Variants in IFT74 observed in about 807,000 individuals in gnomAD.
IFT74 encodes intraflagellar transport protein 74 homolog.
IFT74 carries 92 observed loss-of-function variants against 96.7 expected under a neutral mutation model. The ratio of observed to expected loss-of-function variants is 0.95; its 90% CI spans 0.80 to 1.13. IFT74 has a LOEUF of 1.13. IFT74 is among the 50% of genes most tolerant of loss of function. The pLI is 0.00. For missense variants in IFT74, 811 were observed against 698.2 expected (o/e 1.16, Z -1.82); for synonymous variants, 223 against 213.2 (o/e 1.05, Z -0.40).
intron 13 of IFT74, among the ~76,000 whole-genome samples, chr9:27,038,022 C>T (rs1000935093): frequency 6.6e-6 from 1 of 152,228 alleles, no homozygotes; most frequent in Non-Finnish European, 1.5e-5. Flanking sequence ...CATTAAATGA[C>T]TTACACCCAC....
intron 14 of IFT74, 58 bp from the exon 15 acceptor site, chr9:27,047,216 A>T: frequency 1.0e-6 from 1 of 991,592 alleles, no homozygotes; most frequent in South Asian, 1.5e-5. Flanking sequence ...TGCAAATCAG[A>T]GTTTATATAG....
At chr9:27,033,748 C>T (rs1332198732) in intron 13 of IFT74, among the ~76,000 whole-genome samples, 1 of 151,886 alleles carries the variant, frequency 6.6e-6, no homozygotes, top group African/African-American at 2.4e-5. Context: ...ATGTTTATAA[C>T]TTGTCTGTTT....
At chr9:27,052,462 C>T (rs556671590) in intron 16 of IFT74, among the ~76,000 whole-genome samples, 5 of 145,896 alleles carry the variant, frequency 3.4e-5, no homozygotes, top group Middle Eastern at 3.5e-3. Flanking sequence ...GAGCCGAGAT[C>T]GCGCCATTGC....
At chr9:26,982,679 T>C (rs1463882504) in intron 4 of IFT74, among the ~76,000 whole-genome samples, 1 of 152,076 alleles carries the variant, frequency 6.6e-6, no homozygotes, top group Non-Finnish European at 1.5e-5. Flanking sequence ...GGTCTCGAAC[T>C]CCCAACCTCA....
Position 27,060,630 on chromosome 9 carries a change from A to G in IFT74, c.1663A>G (p.Asn555Asp). 6.2e-7 allele frequency: 1 copy of G among 1,600,624 alleles called. No individual in the cohort carries two copies. Among genetic ancestry groups the G allele is most frequent in the Non-Finnish European group, 8.5e-7 (1 of 1,171,730 alleles). The change falls in exon 19 of 20, where the codon AAT (asparagine) becomes GAT (aspartate). Residue 555 changes from asparagine (N) to aspartate (D), a missense_variant. Physicochemically the swap from Asn to Asp is conservative, Grantham distance 23 (BLOSUM62 1). Transcript: ENST00000380062. The stretch of plus-strand genomic sequence containing the variant: ...GAGAAAGTGGCAACACCTTGAGCAA[A>G]ATAATTTTGCGATGAAAGAATGTAT... ...LERKWQHLEQNNFAMKEFIAT... is the reference protein window; with the variant it reads ...LERKWQHLEQDNFAMKEFIAT...
chr9:27,053,062 A>C (rs1327095946), intron 16 of IFT74, among the ~76,000 whole-genome samples: 3 of 148,966 alleles, frequency 2.0e-5, no homozygotes, highest in Admixed American at 1.3e-4. Context: ...ACGGGGTTTC[A>C]CCGTGTTAGC....
At chr9:27,040,963 T>C (rs891741673) in intron 13 of IFT74, among the ~76,000 whole-genome samples, 4 of 152,152 alleles carry the variant, frequency 2.6e-5, no homozygotes, top group African/African-American at 9.7e-5. Context: ...GTAGTTTTGG[T>C]GGTGCTCAGA....
chr9:26,974,395 G>T (rs946014863), intron 2 of IFT74, among the ~76,000 whole-genome samples: 1 of 152,054 alleles, frequency 6.6e-6, no homozygotes, highest in Non-Finnish European at 1.5e-5. Flanking sequence ...GGCCCAAGGG[G>T]ATCTTCCAAA....
intron 9 of IFT74, among the ~76,000 whole-genome samples, chr9:27,009,875 A>G (rs978503467): frequency 2.6e-5 from 4 of 152,090 alleles, no homozygotes; most frequent in African/African-American, 9.7e-5. Context: ...GGTACATGTG[A>G]TATTTCCATG....
At chr9:26,991,204 C>G (rs1354040346) in intron 8 of IFT74, among the ~76,000 whole-genome samples, 1 of 152,110 alleles carries the variant, frequency 6.6e-6, no homozygotes, top group Non-Finnish European at 1.5e-5. Flanking sequence ...TGTAATTCTT[C>G]TATTGATTAA....
intron 13 of IFT74, among the ~76,000 whole-genome samples, chr9:27,034,537 A>C (rs566646030): frequency 1.2e-4 from 18 of 152,192 alleles, no homozygotes; most frequent in African/African-American, 4.1e-4. Context: ...TTATTTATTT[A>C]TGTATTTTGA....
chr9:27,036,433 G>A (rs571653816), intron 13 of IFT74: 29 of 1,612,068 alleles, frequency 1.8e-5, no homozygotes, highest in East Asian at 2.2e-5. Flanking sequence ...TTGTACCCAC[G>A]GGTTCTTCAT....
chr9:26,965,895 CTT>C lies in IFT74; in HGVS notation c.120+3810_120+3811del, dbSNP rs1045006359. On this transcript the variant is annotated intron_variant, in intron 2 of 19. Transcript: ENST00000380062. Reference sequence around the variant, plus strand: ...GAGAACATGCGGTATTTGACTTTCTCTTTCTGAATTGTTTCACTTAGGATCAT... The same window carrying C: ...GAGAACATGCGGTATTTGACTTTCTCTCTGAATTGTTTCACTTAGGATCAT... 1.8e-4 allele frequency among the ~76,000 whole-genome samples: 27 copies of C among 152,022 alleles called. 1 individual carries two copies. Among genetic ancestry groups the C allele is most frequent in the Non-Finnish European group, 1.5e-5 (1 of 67,928 alleles).
intron 13 of IFT74, among the ~76,000 whole-genome samples, chr9:27,040,376 C>A (rs1819417973): frequency 6.6e-6 from 1 of 151,806 alleles, no homozygotes; most frequent in Non-Finnish European, 1.5e-5. Context: ...CATAGTGAAA[C>A]CCTGTCTCTG....
intron 16 of IFT74, among the ~76,000 whole-genome samples, chr9:27,054,909 C>T (rs1820092360): frequency 6.6e-6 from 1 of 152,162 alleles, no homozygotes; most frequent in Non-Finnish European, 1.5e-5. Flanking sequence ...TCCTAAGGCA[C>T]ATCATAGCCT....
chr9:27,038,435 G>A (rs1411604570), intron 13 of IFT74, among the ~76,000 whole-genome samples: 1 of 152,116 alleles, frequency 6.6e-6, no homozygotes, highest in Non-Finnish European at 1.5e-5. Flanking sequence ...GCTAATTTTT[G>A]TATTTTTAGT....
rs1032374433 is a variant in IFT74, at chr9:27,065,232, T to A, written c.*2496T>A. On this transcript the variant is annotated 3_prime_UTR_variant, in exon 20 of 20. Transcript: ENST00000380062. Reference sequence around the variant, plus strand: ...AGCAGGATTTCTTTAAATTAAAACATGTTTTATCTGAGGGAAATTCTCACT... The same window carrying A: ...AGCAGGATTTCTTTAAATTAAAACAAGTTTTATCTGAGGGAAATTCTCACT... 6.6e-6 allele frequency among the ~76,000 whole-genome samples: 1 copy of A among 152,156 alleles called. No homozygotes were observed. The highest frequency in any genetic ancestry group is 6.5e-5 in the Admixed American group (1 of 15,284).
chr9:27,048,413 A>G (rs1268853849), intron 16 of IFT74, 139 bp downstream of exon 16: 3 of 570,304 alleles, frequency 5.3e-6, no homozygotes, highest in Non-Finnish European at 9.1e-6. Context: ...GGCTTTTTTC[A>G]TCAGCTGGCT....
At chr9:27,005,636 ACT>A (rs140286494) in intron 8 of IFT74, 26 of 152,014 alleles carry the variant, frequency 1.7e-4, no homozygotes, top group African/African-American at 5.8e-4. Context: ...AAGGAAATTA[ACT>A]CTGTTTCAAC....
Sources: gnomAD v4.1 joint callset for allele counts (sites outside exome capture counted in the v4.1 genomes callset) on GRCh38, gnomAD v4.1.1 for gene constraint, MANE v1.5 for transcripts, NCBI Gene and HGNC (gene_info 2026-07-23, HGNC 2026-07-21) for gene names.